ATP8B1: variants seen among roughly 807,000 people sequenced by gnomAD.
The protein encoded by ATP8B1 is ATPase phospholipid transporting 8B1, also known as phospholipid-transporting ATPase IC.
A neutral mutation model predicts 149.9 loss-of-function variants in ATP8B1; 80 were observed. That is an observed-to-expected ratio of 0.53 (90% CI 0.45 to 0.64). The LOEUF (loss-of-function observed/expected upper bound fraction) is 0.64. ATP8B1 is among the 30% of genes least tolerant of loss of function. The pLI is 0.00. For missense variants in ATP8B1, 1,247 were observed against 1,552.6 expected (o/e 0.80, Z 3.31); for synonymous variants, 536 against 562.8 (o/e 0.95, Z 0.67).
chr18:57,793,674 G>T (rs941425898), intron 1 of ATP8B1, among the ~76,000 whole-genome samples: 2 of 151,838 alleles, frequency 1.3e-5, no homozygotes, highest in Non-Finnish European at 2.9e-5. Context: ...TAGGGCTTCT[G>T]CAGCAAGTTA....
intron 2 of ATP8B1, among the ~76,000 whole-genome samples, chr18:57,716,573 T>C (rs999688593): frequency 1.3e-5 from 2 of 151,750 alleles, no homozygotes; most frequent in African/African-American, 4.8e-5. Context: ...AAGACAAAAC[T>C]ATAAGAAGAG....
At position 57,674,223 on chromosome 18, in the gene ATP8B1, C is replaced by T. The variant is rs545704172; in HGVS notation, c.1819+611G>A. Among the ~76,000 whole-genome samples the T allele has an allele frequency of 4.6e-5, 5 of 108,182 alleles. No homozygotes were observed. In the South Asian group the frequency reaches 9.3e-4, roughly 20 times the overall value. The allele number at this position is 108,182 out of a possible 152,430, so 71.0% of individuals were successfully genotyped here. A position where few individuals can be genotyped will look rare whatever the true frequency, so the allele number is the denominator to read the frequency against. ...ATCGCACCACTGCACTCCTGGGTGA[C>T]GGAGCAAGACTCCATCTCAAAAAAA... On this transcript the variant is annotated intron_variant, in intron 16 of 27. Transcript: ENST00000648908.
In ATP8B1 at chr18:57,691,855, C is replaced by T; in HGVS notation, c.1172G>A (p.Gly391Asp). 6.2e-7 allele frequency: 1 copy of T among 1,614,064 alleles called. No individual in the cohort carries two copies. The highest frequency in any genetic ancestry group is 8.5e-7 in the Non-Finnish European group (1 of 1,180,000). The change falls in exon 12 of 28, where the codon GGC (glycine) becomes GAC (aspartate). Residue 391 changes from glycine (G) to aspartate (D), a missense_variant. By Grantham distance (94) the Gly-to-Asp change is moderately conservative. This residue lies in a region of ATP8B1 where 853 missense variants were observed against 1,035.7 expected (regional missense o/e 0.82). Transcript: ENST00000648908. ...CATGGTGTTGAGAACAATGATATAG[C>T]CCCAGAAAATGAGGAATCCACGGTA... Reference protein sequence around the residue: ...PSYRGFLIFWGYIIVLNTMVP... With the variant: ...PSYRGFLIFWDYIIVLNTMVP...
intron 1 of ATP8B1, among the ~76,000 whole-genome samples, chr18:57,788,555 CAAA>C (rs111696334): frequency 7.2e-6 from 1 of 138,332 alleles, no homozygotes. Flanking sequence ...ACTCTTATCT[CAAA>C]AAAAAAAAAG....
At chr18:57,751,455 A>G (rs1189223218) in intron 1 of ATP8B1, among the ~76,000 whole-genome samples, 3 of 82,898 alleles carry the variant, frequency 3.6e-5, no homozygotes, top group Admixed American at 3.3e-4. Flanking sequence ...TGCTGTCTTG[A>G]AAAAAAAAAA....
Position 57,673,628 on chromosome 18 carries a change from G to A in ATP8B1, c.1819+1206C>T, listed in dbSNP as rs555460929. Among the ~76,000 whole-genome samples the A allele has an allele frequency of 4.6e-4, 69 of 151,276 alleles. No homozygotes were observed. In the South Asian group the frequency reaches 4.8e-3, roughly 11 times the overall value. On this transcript the variant is annotated intron_variant, in intron 16 of 27. Transcript: ENST00000648908. ...TATGTGTGTGTACATATATATGTGTGTATATATATAGGTATATATAATGAA... is the reference window on the plus strand; with the variant it reads ...TATGTGTGTGTACATATATATGTGTATATATATATAGGTATATATAATGAA...
At chr18:57,796,336 T>G (rs1213705504) in intron 1 of ATP8B1, among the ~76,000 whole-genome samples, 1 of 152,132 alleles carries the variant, frequency 6.6e-6, no homozygotes, top group African/African-American at 2.4e-5. Context: ...ACACTTGGAG[T>G]CCTTACTGTA....
At chr18:57,672,932 AAC>A (rs1555690212) in intron 16 of ATP8B1, among the ~76,000 whole-genome samples, 16 of 32,088 alleles carry the variant, frequency 5.0e-4, no homozygotes, top group Admixed American at 1.3e-3. Context: ...ATATATATAT[AAC>A]ATGTATATAC....
chr18:57,670,187 A>G (rs566985669), intron 17 of ATP8B1, among the ~76,000 whole-genome samples: 33 of 152,328 alleles, frequency 2.2e-4, no homozygotes, highest in African/African-American at 7.9e-4. Context: ...CTGTGATACA[A>G]GTCCAATCAC....
rs756352931 is a variant in ATP8B1 at position 57,648,700 on chromosome 18, G to C, written c.3544C>G (p.Arg1182Gly). ...PSESDKIQKH[R>G]KRLKAEEQWQ... ...TGCTCCTCCGCCTTCAACCGCTTGCGATGCTTCTGGATCTGCAAGGGGGAG... is the reference window on the plus strand; with the variant it reads ...TGCTCCTCCGCCTTCAACCGCTTGCCATGCTTCTGGATCTGCAAGGGGGAG... The change falls in exon 28 of 28, where the codon CGC (arginine) becomes GGC (glycine). Residue 1182 changes from arginine to glycine, a missense_variant. Physicochemically the swap from Arg to Gly is moderately radical, Grantham distance 125. Coordinates refer to ENST00000648908, the MANE Select transcript of ATP8B1 (RefSeq NM_001374385.1). 8 of 1,554,166 alleles carry C rather than the reference G, an allele frequency of 5.1e-6. No individual in the cohort carries two copies. The highest frequency in any genetic ancestry group is 2.3e-4 in the Middle Eastern group (1 of 4,388).
chr18:57,755,660 A>G (rs8096340), intron 1 of ATP8B1, among the ~76,000 whole-genome samples: 4 of 152,208 alleles, frequency 2.6e-5, no homozygotes, highest in African/African-American at 9.6e-5. Flanking sequence ...CTGGCTTCAC[A>G]TAAGTTTACA....
intron 1 of ATP8B1, among the ~76,000 whole-genome samples, chr18:57,787,728 A>G (rs1206030552): frequency 6.6e-6 from 1 of 152,236 alleles, no homozygotes; most frequent in Non-Finnish European, 1.5e-5. Flanking sequence ...AAAGTTTGTC[A>G]AACCTCAGGG....
chr18:57,653,267 T>TTTTCC (rs1909748630), intron 24 of ATP8B1, among the ~76,000 whole-genome samples: 1 of 150,628 alleles, frequency 6.6e-6, no homozygotes, highest in African/African-American at 2.4e-5. Flanking sequence ...GGGTGCCTTT[T>TTTTCC]TTTCCTTTTC....
chr18:57,655,102 T>G, intron 23 of ATP8B1, 92 bp downstream of exon 23: 1 of 1,221,992 alleles, frequency 8.2e-7, no homozygotes, highest in South Asian at 1.3e-5. Flanking sequence ...AAACTACAAA[T>G]ATAGAAGAAA....
In ATP8B1 at chr18:57,787,817, TA is replaced by T. The variant is rs138560166; in HGVS notation, c.-26+15180del. Among the ~76,000 whole-genome samples the T allele has an allele frequency of 6.1e-3, 931 of 152,316 alleles. 12 individuals are homozygous for T. Among genetic ancestry groups the T allele is most frequent in the African/African-American group, 0.021 (876 of 41,578 alleles). On this transcript the variant is annotated intron_variant, in intron 1 of 27. Transcript: ENST00000648908. ...AAATAGAGAAAAAACACCTTTAAAA[TA>T]AATAGGCCTCATTTAAAATTTTATA...
At chr18:57,687,213 A>G (rs1451725139) in intron 13 of ATP8B1, among the ~76,000 whole-genome samples, 2 of 152,132 alleles carry the variant, frequency 1.3e-5, no homozygotes, top group Admixed American at 6.5e-5. Context: ...GCAAAATTGA[A>G]ACTCTGTACC....
chr18:57,772,223 A>G (rs1414728814), intron 1 of ATP8B1, among the ~76,000 whole-genome samples: 1 of 152,166 alleles, frequency 6.6e-6, no homozygotes, highest in African/African-American at 2.4e-5. Flanking sequence ...ACACCTTACC[A>G]TGACATTCAC....
intron 15 of ATP8B1, among the ~76,000 whole-genome samples, chr18:57,679,220 ACT>A (rs1480574375): frequency 6.6e-6 from 1 of 151,280 alleles, no homozygotes; most frequent in Non-Finnish European, 1.5e-5. Context: ...ACAGAGCAAG[ACT>A]CTGTCTCAAA....
At chr18:57,755,635 G>A (rs536865796) in intron 1 of ATP8B1, 1 of 152,286 alleles carries the variant, frequency 6.6e-6, no homozygotes, top group East Asian at 1.9e-4. Flanking sequence ...TGAATCCCAG[G>A]CTCTGGTCAG....
Sources: allele counts gnomAD v4.1 joint callset (sites outside exome capture counted in the v4.1 genomes callset), GRCh38; gene constraint gnomAD v4.1.1; regional missense constraint gnomAD v4.1.1; transcripts MANE v1.5; gene names NCBI Gene and HGNC (gene_info 2026-07-23, HGNC 2026-07-21).